MAGI2: variants seen among roughly 807,000 people sequenced by gnomAD.
MAGI2 encodes membrane-associated guanylate kinase, WW and PDZ domain-containing protein 2.
In MAGI2, 35 loss-of-function variants were observed where a neutral mutation model predicts 133.3. That is an observed-to-expected ratio of 0.26 (90% CI 0.20 to 0.35). The LOEUF (loss-of-function observed/expected upper bound fraction) is 0.35, where lower values mean the gene tolerates loss of function less well. MAGI2 is among the 10% of genes least tolerant of loss of function. The pLI is 1.00. For synonymous variants in MAGI2, 729 were observed against 710.6 expected, an observed-to-expected ratio of 1.03 and a Z score of -0.41; for missense variants, 1,636 against 1,863.4, an observed-to-expected ratio of 0.88 and a Z score of 2.25.
chr7:78,583,615 T>C (rs1803083504), intron 3 of MAGI2: 1 of 152,206 alleles, frequency 6.6e-6, no homozygotes, highest in African/African-American at 2.4e-5. Context: ...CACATCTCTG[T>C]AGAAACGTCA....
chr7:78,177,203 G>A (rs1023932974), intron 14 of MAGI2, among the ~76,000 whole-genome samples: 7 of 152,012 alleles, frequency 4.6e-5, no homozygotes, highest in Non-Finnish European at 8.8e-5. Context: ...TGCCAGAGCC[G>A]GATGGGATGT....
At chr7:78,804,730 CAG>C (rs1788377695) in intron 2 of MAGI2, among the ~76,000 whole-genome samples, 1 of 129,730 alleles carries the variant, frequency 7.7e-6, no homozygotes, top group Non-Finnish European at 1.6e-5. Flanking sequence ...GCCTGGGCAA[CAG>C]AGCGAGACTC....
chr7:79,284,723 T>C (rs1835880735), intron 1 of MAGI2, among the ~76,000 whole-genome samples: 1 of 152,138 alleles, frequency 6.6e-6, no homozygotes, highest in African/African-American at 2.4e-5. Context: ...TAGTTTCAGT[T>C]AATGTTCAAT....
At chr7:78,603,996 C>A (rs188056002) in intron 3 of MAGI2, among the ~76,000 whole-genome samples, 1 of 152,008 alleles carries the variant, frequency 6.6e-6, no homozygotes, top group Non-Finnish European at 1.5e-5. Context: ...ATAGGCTGGT[C>A]GGATTGGCAC....
intron 6 of MAGI2, among the ~76,000 whole-genome samples, chr7:78,455,961 C>G (rs916765007): frequency 6.9e-5 from 10 of 144,618 alleles, no homozygotes; most frequent in Admixed American, 6.7e-4. Flanking sequence ...ATTTGAACTA[C>G]TTTAAAGAGA....
At chr7:78,480,355 T>C (rs1241941396) in intron 6 of MAGI2, among the ~76,000 whole-genome samples, 1 of 151,736 alleles carries the variant, frequency 6.6e-6, no homozygotes, top group Non-Finnish European at 1.5e-5. Flanking sequence ...ATTACCCCGA[T>C]ACCAAAACCA....
At chr7:78,665,260 TA>T (rs756318674) in intron 2 of MAGI2, among the ~76,000 whole-genome samples, 2 of 152,024 alleles carry the variant, frequency 1.3e-5, no homozygotes, top group African/African-American at 4.8e-5. Context: ...AAAGCTTGGA[TA>T]AAAAAACAAT....
At chr7:78,551,646 A>G (rs992951327) in intron 3 of MAGI2, among the ~76,000 whole-genome samples, 7 of 152,254 alleles carry the variant, frequency 4.6e-5, no homozygotes, top group African/African-American at 1.7e-4. Flanking sequence ...AGGCCCTAAG[A>G]GGGTAACTTC....
chr7:79,272,684 T>C (rs964500143), intron 1 of MAGI2, among the ~76,000 whole-genome samples: 10 of 146,220 alleles, frequency 6.8e-5, no homozygotes, highest in African/African-American at 1.0e-4. Flanking sequence ...ATATACTTTA[T>C]GGTTATGAAT....
At chr7:78,419,737 C>A (rs1798630523) in intron 6 of MAGI2, among the ~76,000 whole-genome samples, 1 of 151,770 alleles carries the variant, frequency 6.6e-6, no homozygotes, top group Non-Finnish European at 1.5e-5. Flanking sequence ...GCACCTTAAG[C>A]ATATACGTTA....
chr7:78,912,170 G>C (rs988697919), intron 2 of MAGI2, among the ~76,000 whole-genome samples: 3 of 152,100 alleles, frequency 2.0e-5, no homozygotes, highest in African/African-American at 7.2e-5. Flanking sequence ...CAGCTACTAT[G>C]TTCCAGGGAA....
At chr7:79,308,040 G>A (rs551268014) in intron 1 of MAGI2, among the ~76,000 whole-genome samples, 24 of 152,166 alleles carry the variant, frequency 1.6e-4, no homozygotes, top group African/African-American at 3.4e-4. Flanking sequence ...TTGGGGAGCT[G>A]GGATTGGAAA....
chr7:78,439,055 C>A (rs755121941), intron 6 of MAGI2, among the ~76,000 whole-genome samples: 2 of 152,164 alleles, frequency 1.3e-5, no homozygotes, highest in Non-Finnish European at 2.9e-5. Context: ...GCCCATACTG[C>A]CCTCTGGATT....
chr7:78,932,235 T>G (rs1800187589), intron 2 of MAGI2, among the ~76,000 whole-genome samples: 1 of 152,108 alleles, frequency 6.6e-6, no homozygotes, highest in South Asian at 2.1e-4. Context: ...TATTCTTTTG[T>G]TGTTCTATTC....
At chr7:78,385,914 A>G (rs1265025214) in intron 6 of MAGI2, among the ~76,000 whole-genome samples, 1 of 152,188 alleles carries the variant, frequency 6.6e-6, no homozygotes, top group Non-Finnish European at 1.5e-5. Context: ...CATCCACTTC[A>G]AATATGGTCT....
At chr7:78,706,174 T>C (rs1464341996) in intron 2 of MAGI2, among the ~76,000 whole-genome samples, 20 of 152,084 alleles carry the variant, frequency 1.3e-4, no homozygotes, top group Admixed American at 1.0e-3. Context: ...ACTTTAATTG[T>C]ATCTCCCAGA....
At chr7:78,939,577 T>C (rs536782445) in intron 2 of MAGI2, among the ~76,000 whole-genome samples, 28 of 152,296 alleles carry the variant, frequency 1.8e-4, no homozygotes, top group African/African-American at 6.7e-4. Flanking sequence ...TTGTTCTTAA[T>C]TTCATGAGCA....
At chr7:79,356,111 A>T (rs1478424189) in intron 1 of MAGI2, among the ~76,000 whole-genome samples, 1 of 152,210 alleles carries the variant, frequency 6.6e-6, no homozygotes, top group Non-Finnish European at 1.5e-5. Context: ...TACTTTGACA[A>T]TAGTATTCAT....
At chr7:78,221,940 T>C in intron 10 of MAGI2, among the ~76,000 whole-genome samples, 1 of 151,878 alleles carries the variant, frequency 6.6e-6, no homozygotes, top group Non-Finnish European at 1.5e-5. Context: ...GTCCTAGCTA[T>C]TTAGGAGGCT....
Sources: gnomAD v4.1 joint callset for allele counts (sites outside exome capture counted in the v4.1 genomes callset) on GRCh38, gnomAD v4.1.1 for gene constraint, MANE v1.5 for transcripts, NCBI Gene and HGNC (gene_info 2026-07-23, HGNC 2026-07-21) for gene names.